Variants in SPAG16 observed in about 807,000 individuals in gnomAD.
SPAG16 encodes the protein sperm associated antigen 16.
SPAG16 carries 86 observed loss-of-function variants against 80.4 expected under a neutral mutation model. The ratio of observed to expected loss-of-function variants is 1.07; its 90% CI spans 0.90 to 1.28. The LOEUF (loss-of-function observed/expected upper bound fraction) is 1.28, where lower values mean the gene tolerates loss of function less well. Among genes scored for constraint, SPAG16 ranks in the 50% most tolerant of loss-of-function variants. SPAG16 has a pLI of 0.00. For missense variants in SPAG16, 870 were observed against 765.3 expected, an observed-to-expected ratio of 1.14 and a Z score of -1.61; for synonymous variants, 294 against 265.9, an observed-to-expected ratio of 1.11 and a Z score of -1.03.
chr2:213,754,417 C>T (rs2068222625), intron 10 of SPAG16, among the ~76,000 whole-genome samples: 2 of 151,992 alleles, frequency 1.3e-5, no homozygotes, highest in African/African-American at 4.8e-5. Context: ...ATTTATTTTT[C>T]TATACTAGTT....
At chr2:213,825,898 G>T (rs984165118) in intron 10 of SPAG16, among the ~76,000 whole-genome samples, 3 of 151,554 alleles carry the variant, frequency 2.0e-5, no homozygotes, top group Non-Finnish European at 4.4e-5. Context: ...GCTTTTCTTT[G>T]CTGGGAGAGT....
At chr2:214,170,735 G>A (rs905260447) in intron 15 of SPAG16, among the ~76,000 whole-genome samples, 14 of 151,990 alleles carry the variant, frequency 9.2e-5, no homozygotes, top group Admixed American at 2.0e-4. Flanking sequence ...ATTATGTCCT[G>A]TAGCTTGAAA....
chr2:213,649,732 G>A (rs528494360), intron 10 of SPAG16, among the ~76,000 whole-genome samples: 2 of 152,138 alleles, frequency 1.3e-5, no homozygotes, highest in African/African-American at 2.4e-5. Context: ...ACACCACCAT[G>A]GTGGGCTAAT....
intron 15 of SPAG16, among the ~76,000 whole-genome samples, chr2:214,167,305 G>A (rs889221007): frequency 6.6e-6 from 1 of 152,124 alleles, no homozygotes; most frequent in East Asian, 1.9e-4. Flanking sequence ...AGTCACACAG[G>A]TTCTTCCATC....
intron 15 of SPAG16, among the ~76,000 whole-genome samples, chr2:214,223,379 A>G (rs1386345128): frequency 3.3e-5 from 5 of 152,154 alleles, no homozygotes; most frequent in Non-Finnish European, 5.9e-5. Flanking sequence ...TTACAGTAGT[A>G]GGTTCACTTC....
rs1027296461 is a variant in SPAG16 at position 214,014,275 on chromosome 2, T to C, written c.1527+198T>C. ...CCTTCCAAATGTGATCAGGTAAAAA[T>C]AATATGATTATCTCATTAAGCATTA... On this transcript the variant is annotated intron_variant, in intron 13 of 15. Coordinates refer to ENST00000331683, the MANE Select transcript of SPAG16 (RefSeq NM_024532.5). Among the ~76,000 whole-genome samples, 5 of 152,326 alleles carry C rather than the reference T, an allele frequency of 3.3e-5. No homozygotes were observed. The South Asian group carries it at 8.3e-4, about 25-fold the overall frequency.
At chr2:213,560,509 A>T (rs1191681595) in intron 10 of SPAG16, among the ~76,000 whole-genome samples, 1 of 152,150 alleles carries the variant, frequency 6.6e-6, no homozygotes, top group Non-Finnish European at 1.5e-5. Context: ...CATGGAAATA[A>T]AAGTTCAAAA....
At chr2:213,524,801 G>A (rs1468871551) in intron 10 of SPAG16, among the ~76,000 whole-genome samples, 2 of 152,172 alleles carry the variant, frequency 1.3e-5, no homozygotes, top group Non-Finnish European at 2.9e-5. Flanking sequence ...AATTTTACAG[G>A]CTCATGGTTG....
chr2:213,781,613 G>C (rs997637445), intron 10 of SPAG16, among the ~76,000 whole-genome samples: 1 of 151,994 alleles, frequency 6.6e-6, no homozygotes, highest in Non-Finnish European at 1.5e-5. Context: ...AACGGAAAGC[G>C]GTATTTTACA....
Position 214,410,122 on chromosome 2 carries a change from CCT to C in SPAG16, c.1721-13_1721-12del, listed in dbSNP as rs769560179. The C allele has an allele frequency of 1.2e-6, 2 of 1,612,258 alleles. No homozygotes were observed. The highest frequency in any genetic ancestry group is 8.5e-7 in the Non-Finnish European group (1 of 1,178,420). ...ACTTTGATTCATTCTCTCTCTCTCT[CCT>C]CTCTGTCTCCCTCAGGTCGAGTTTT... On this transcript the variant is annotated splice_polypyrimidine_tract_variant and intron_variant, in intron 15 of 15. Transcript: ENST00000331683.
chr2:213,383,901 T>C (rs1320193336), intron 9 of SPAG16, among the ~76,000 whole-genome samples: 1 of 152,208 alleles, frequency 6.6e-6, no homozygotes, highest in African/African-American at 2.4e-5. Flanking sequence ...ACATGTACTG[T>C]TGTCTGCCCA....
intron 10 of SPAG16, among the ~76,000 whole-genome samples, chr2:213,842,663 T>C (rs2074420080): frequency 6.6e-6 from 1 of 152,236 alleles, no homozygotes; most frequent in African/African-American, 2.4e-5. Context: ...TATGTTCATC[T>C]CCTTCTGCAT....
At chr2:214,204,852 A>G (rs183804134) in intron 15 of SPAG16, among the ~76,000 whole-genome samples, 1 of 152,360 alleles carries the variant, frequency 6.6e-6, no homozygotes, top group East Asian at 1.9e-4. Flanking sequence ...AATTACCAGA[A>G]AAAGATTTCA....
intron 15 of SPAG16, among the ~76,000 whole-genome samples, chr2:214,157,848 G>C (rs1193373831): frequency 6.6e-6 from 1 of 152,086 alleles, no homozygotes; most frequent in Non-Finnish European, 1.5e-5. Context: ...TTAATCTAAT[G>C]ATAACATCAT....
At chr2:213,459,769 A>T (rs933495289) in intron 9 of SPAG16, among the ~76,000 whole-genome samples, 1 of 152,236 alleles carries the variant, frequency 6.6e-6, no homozygotes, top group Non-Finnish European at 1.5e-5. Flanking sequence ...TCTTCATTAC[A>T]TTGTTACATT....
intron 13 of SPAG16, among the ~76,000 whole-genome samples, chr2:214,089,660 C>T (rs1478885642): frequency 1.3e-5 from 2 of 151,932 alleles, no homozygotes; most frequent in Non-Finnish European, 2.9e-5. Context: ...TTAGCATCCT[C>T]CCGCCCCCTT....
chr2:213,410,353 A>G (rs1026828849), intron 9 of SPAG16, among the ~76,000 whole-genome samples: 1 of 152,186 alleles, frequency 6.6e-6, no homozygotes, highest in Non-Finnish European at 1.5e-5. Context: ...ACAGTTTTCT[A>G]TTTCAGAAAA....
At chr2:214,233,891 A>G (rs534356879) in intron 15 of SPAG16, among the ~76,000 whole-genome samples, 2 of 151,900 alleles carry the variant, frequency 1.3e-5, no homozygotes, top group East Asian at 3.9e-4. Context: ...TGGTTTTTTT[A>G]ATTATTTTGA....
chr2:213,388,588 A>G (rs2067574480), intron 9 of SPAG16, among the ~76,000 whole-genome samples: 1 of 152,202 alleles, frequency 6.6e-6, no homozygotes, highest in Non-Finnish European at 1.5e-5. Context: ...AAATAAATAA[A>G]CACAAACAAT....
Sources: allele counts gnomAD v4.1 joint callset (sites outside exome capture counted in the v4.1 genomes callset), GRCh38; gene constraint gnomAD v4.1.1; transcripts MANE v1.5; gene names NCBI Gene and HGNC (gene_info 2026-07-23, HGNC 2026-07-21).